RYR2: variants seen among roughly 807,000 people sequenced by gnomAD.
RYR2 encodes the protein ryanodine receptor 2.
RYR2 carries 227 observed loss-of-function variants against 601.1 expected under a neutral mutation model. The observed-to-expected ratio is 0.38, with a 90% confidence interval of 0.34 to 0.42. The LOEUF (loss-of-function observed/expected upper bound fraction) is 0.42, where lower values mean the gene tolerates loss of function less well. RYR2 is among the 10% of genes least tolerant of loss of function. The probability of loss-of-function intolerance (pLI) is 1.00; values close to 1 mark genes in which losing one functional copy is unlikely to be tolerated. For synonymous variants in RYR2, 2,223 were observed against 2,175.1 expected, an observed-to-expected ratio of 1.02 and a Z score of -0.61; for missense variants, 4,646 against 6,156.5, an observed-to-expected ratio of 0.75 and a Z score of 8.21.
chr1:237,617,899 T>G (rs1379296327), intron 38 of RYR2, among the ~76,000 whole-genome samples: 1 of 152,164 alleles, frequency 6.6e-6, no homozygotes, highest in Admixed American at 6.5e-5. Context: ...GAAGACTGAT[T>G]ACCTGCTTGT....
intron 10 of RYR2, among the ~76,000 whole-genome samples, chr1:237,394,764 A>G (rs550136692): frequency 1.3e-5 from 2 of 152,220 alleles, no homozygotes; most frequent in South Asian, 4.2e-4. Context: ...TCTTTCTGGA[A>G]CTCACCGTCT....
chr1:237,738,906 C>CATCA (rs1474220026), intron 79 of RYR2, among the ~76,000 whole-genome samples: 1 of 152,152 alleles, frequency 6.6e-6, no homozygotes, highest in African/African-American at 2.4e-5. Flanking sequence ...AAAGTTACTG[C>CATCA]ATCAATGGAC....
chr1:237,168,657 G>A (rs1676984300), intron 1 of RYR2, among the ~76,000 whole-genome samples: 1 of 151,900 alleles, frequency 6.6e-6, no homozygotes. Context: ...TTTGGGGAGG[G>A]GGAAGGAATT....
chr1:237,389,558 C>T (rs558895349), intron 10 of RYR2, among the ~76,000 whole-genome samples: 4 of 152,090 alleles, frequency 2.6e-5, no homozygotes, highest in Non-Finnish European at 5.9e-5. Flanking sequence ...CAGATAATGC[C>T]ATCAGAATGG....
At chr1:237,140,140 T>C (rs752853464) in intron 1 of RYR2, among the ~76,000 whole-genome samples, 16 of 152,268 alleles carry the variant, frequency 1.1e-4, no homozygotes, top group Non-Finnish European at 1.9e-4. Flanking sequence ...CAGAACAGTT[T>C]GTAAACCACA....
intron 40 of RYR2, among the ~76,000 whole-genome samples, chr1:237,626,234 T>C (rs1679630231): frequency 6.6e-6 from 1 of 152,222 alleles, no homozygotes; most frequent in Non-Finnish European, 1.5e-5. Context: ...TGTATACTTC[T>C]GGTTGATCCA....
In RYR2 at chr1:237,506,487, G is replaced by A. The variant is rs1213278331; in HGVS notation, c.2614-223G>A. On this transcript the variant is annotated intron_variant, in intron 22 of 104. Transcript: ENST00000366574. Reference sequence around the variant, plus strand: ...CGAGAGGCGGAGCTTGCAGTGAGCAGAGATCGCGCCACTGCACTCCAGCCT... The same window carrying A: ...CGAGAGGCGGAGCTTGCAGTGAGCAAAGATCGCGCCACTGCACTCCAGCCT... Among the ~76,000 whole-genome samples, 6 of 151,348 alleles carry A rather than the reference G, an allele frequency of 4.0e-5. 1 individual carries two copies. The highest frequency in any genetic ancestry group is 1.3e-4 in the Admixed American group (2 of 15,216).
intron 25 of RYR2, among the ~76,000 whole-genome samples, chr1:237,533,250 A>G (rs1668299974): frequency 6.6e-6 from 1 of 152,164 alleles, no homozygotes; most frequent in Non-Finnish European, 1.5e-5. Context: ...TTCTTTCTCT[A>G]TTGACAAAAA....
intron 1 of RYR2, among the ~76,000 whole-genome samples, chr1:237,100,525 T>A (rs1239820743): frequency 6.6e-6 from 1 of 151,950 alleles, no homozygotes; most frequent in African/African-American, 2.4e-5. Flanking sequence ...CAGCTAGGAT[T>A]ACAGGCGCCC....
intron 1 of RYR2, among the ~76,000 whole-genome samples, chr1:237,162,932 A>C (rs1412242985): frequency 6.6e-6 from 1 of 152,152 alleles, no homozygotes; most frequent in Admixed American, 6.5e-5. Context: ...TCTCCAAGGG[A>C]AAGAGGCTTC....
intron 50 of RYR2, among the ~76,000 whole-genome samples, chr1:237,650,396 G>A (rs113754509): frequency 1.3e-5 from 2 of 152,102 alleles, no homozygotes; most frequent in Admixed American, 6.5e-5. Context: ...GGAGTCCTTG[G>A]CCACTTTAGG....
intron 49 of RYR2, among the ~76,000 whole-genome samples, chr1:237,648,863 G>T (rs1025842716): frequency 2.0e-5 from 3 of 152,144 alleles, no homozygotes; most frequent in East Asian, 3.9e-4. Context: ...TTCTGATAAG[G>T]TGCTATATGG....
chr1:237,115,955 T>G (rs2148616066), intron 1 of RYR2, among the ~76,000 whole-genome samples: 1 of 152,310 alleles, frequency 6.6e-6, no homozygotes, highest in South Asian at 2.1e-4. Flanking sequence ...ATCAAATGGC[T>G]GAAATATGAA....
intron 8 of RYR2, among the ~76,000 whole-genome samples, chr1:237,383,929 G>A (rs750451150): frequency 2.6e-5 from 4 of 152,120 alleles, no homozygotes; most frequent in Non-Finnish European, 5.9e-5. Context: ...GCCTAAGGCC[G>A]ACTTGGCTTT....
intron 48 of RYR2, among the ~76,000 whole-genome samples, chr1:237,643,904 G>A (rs187069859): frequency 2.6e-5 from 4 of 152,202 alleles, no homozygotes; most frequent in South Asian, 4.2e-4. Flanking sequence ...GTGAGCCACC[G>A]CATCCAGACT....
At chr1:237,073,601 G>A (rs1449047576) in intron 1 of RYR2, among the ~76,000 whole-genome samples, 4 of 152,290 alleles carry the variant, frequency 2.6e-5, no homozygotes, top group South Asian at 2.1e-4. Flanking sequence ...GGTGGGCACT[G>A]TGGCTTATGC....
chr1:237,594,910 T>TTG (rs1675694434), intron 33 of RYR2, among the ~76,000 whole-genome samples: 1 of 114,438 alleles, frequency 8.7e-6, no homozygotes, highest in African/African-American at 3.2e-5. Flanking sequence ...TTTTTTTTTT[T>TTG]TTTTTTTTTT....
At chr1:237,267,757 A>G (rs1689218349) in intron 1 of RYR2, 1 of 156,902 alleles carries the variant, frequency 6.4e-6, no homozygotes. Context: ...ATAGAGAAGC[A>G]CTTTAACATA....
rs990121664 is a variant in RYR2 at position 237,703,367 on chromosome 1, C to T, written c.9449+1308C>T. ...ATTTTCAAATGCACTTTCCTGATTACCATCTACTTGCTATTTTTTTCATGT... is the reference window on the plus strand; with the variant it reads ...ATTTTCAAATGCACTTTCCTGATTATCATCTACTTGCTATTTTTTTCATGT... On this transcript the variant is annotated intron_variant, in intron 66 of 104. Coordinates refer to ENST00000366574, the MANE Select transcript of RYR2 (RefSeq NM_001035.3). Among the ~76,000 whole-genome samples, 7 of 151,552 alleles carry T rather than the reference C, an allele frequency of 4.6e-5. 1 individual carries two copies. The Middle Eastern group carries it at 0.01, about 222-fold the overall frequency.
Sources: allele counts gnomAD v4.1 joint callset (sites outside exome capture counted in the v4.1 genomes callset), GRCh38; gene constraint gnomAD v4.1.1; transcripts MANE v1.5; gene names NCBI Gene and HGNC (gene_info 2026-07-23, HGNC 2026-07-21).